CIT: variants seen among roughly 807,000 people sequenced by gnomAD.
The protein encoded by CIT is citron rho-interacting serine/threonine kinase, also known as citron Rho-interacting kinase.
In CIT, 79 loss-of-function variants were observed where a neutral mutation model predicts 272.7. That is an observed-to-expected ratio of 0.29 (90% confidence interval 0.24 to 0.35). The LOEUF (loss-of-function observed/expected upper bound fraction) is 0.35. Among genes scored for constraint, CIT ranks in the 10% least tolerant of loss-of-function variants. The pLI, the probability that CIT is intolerant of heterozygous loss-of-function variation, is 1.00. For missense variants in CIT, 1,909 were observed against 2,618.3 expected (o/e 0.73, Z 5.91); for synonymous variants, 948 against 995.6 (o/e 0.95, Z 0.90).
At chr12:119,708,026 C>G (rs1410691870) in intron 40 of CIT, among the ~76,000 whole-genome samples, 153 bp downstream of exon 40, 1 of 149,872 alleles carries the variant, frequency 6.7e-6, no homozygotes, top group Non-Finnish European at 1.5e-5. Context: ...AAGCCCTGTT[C>G]CCAAATCAAT....
intron 22 of CIT, 102 bp from the exon 23 acceptor site, chr12:119,752,349 T>C: frequency 8.7e-7 from 1 of 1,145,486 alleles, no homozygotes; most frequent in East Asian, 2.6e-5. Context: ...AGCTGAAACC[T>C]GGTCTTGGAA....
At chr12:119,702,432 T>A (rs981622963) in intron 41 of CIT, among the ~76,000 whole-genome samples, 3 of 152,144 alleles carry the variant, frequency 2.0e-5, no homozygotes, top group Non-Finnish European at 4.4e-5. Context: ...ACATCTGTAA[T>A]CCCAGCACTT....
At chr12:119,744,326 G>A (rs1360687113) in intron 23 of CIT, among the ~76,000 whole-genome samples, 1 of 151,904 alleles carries the variant, frequency 6.6e-6, no homozygotes, top group African/African-American at 2.4e-5. Context: ...GGTCCCATCT[G>A]CTTATGTATG....
Position 119,765,281 on chromosome 12 carries a change from T to C in CIT, c.2304+1806A>G, listed in dbSNP as rs566238827. Among the ~76,000 whole-genome samples, 18 of 150,276 alleles carry C rather than the reference T, an allele frequency of 1.2e-4. 1 individual carries two copies. In the South Asian group the frequency reaches 2.9e-3, roughly 24 times the overall value. ...AGCCAGGTATGGTGTCATGTGCCTA[T>C]AGTCCCAGCTACTTGGGTGGCTGAG... On this transcript the variant is annotated intron_variant, in intron 19 of 47. Coordinates refer to ENST00000392521, the MANE Select transcript of CIT (RefSeq NM_001206999.2).
rs746834233 is a variant in CIT, at chr12:119,701,958, C to T, written c.5305G>A (p.Glu1769Lys). Residue 1769 changes from glutamate to lysine, a missense_variant and splice_region_variant, in exon 42 of 48, where the codon GAG (glutamate) becomes AAG (lysine). Transcript: ENST00000392521. ...ENLSKYCIRKEIETSEPCSCI... is the reference protein window; with the variant it reads ...ENLSKYCIRKKIETSEPCSCI... ...CTGCAGGGCTCTGAGGTCTCTATCT[C>T]CTGAGACATGAGAGCAGAAGAGAAG... The T allele has an allele frequency of 6.2e-7, 1 of 1,606,508 alleles. No homozygotes were observed. Among genetic ancestry groups the T allele is most frequent in the Admixed American group, 1.7e-5 (1 of 60,006 alleles).
chr12:119,741,475 C>T (rs1336881855), intron 24 of CIT, among the ~76,000 whole-genome samples: 1 of 152,136 alleles, frequency 6.6e-6, no homozygotes, highest in Non-Finnish European at 1.5e-5. Context: ...AAAATTACTA[C>T]ATTATTATGT....
chr12:119,855,625 CT>C (rs1383289526), intron 4 of CIT, among the ~76,000 whole-genome samples: 1 of 151,994 alleles, frequency 6.6e-6, no homozygotes. Flanking sequence ...TTCCAAATGG[CT>C]CAGTTAAGGA....
intron 23 of CIT, among the ~76,000 whole-genome samples, chr12:119,748,245 T>C (rs990654284): frequency 2.6e-5 from 4 of 151,646 alleles, no homozygotes; most frequent in Admixed American, 6.6e-5. Context: ...AACCTAGGAG[T>C]TGGGTGGCAA....
intron 23 of CIT, among the ~76,000 whole-genome samples, chr12:119,744,740 T>C (rs1182530581): frequency 7.0e-6 from 1 of 142,312 alleles, no homozygotes. Context: ...AAAAAGTCTA[T>C]AAGATAACTG....
At chr12:119,737,158 T>C (rs570817354) in intron 24 of CIT, among the ~76,000 whole-genome samples, 331 of 151,862 alleles carry the variant, frequency 2.2e-3, no homozygotes, top group Non-Finnish European at 3.8e-3. Flanking sequence ...ATACAAAAAA[T>C]TAACCAGGCG....
chr12:119,855,247 C>T (rs1970508344), intron 4 of CIT, among the ~76,000 whole-genome samples: 1 of 151,942 alleles, frequency 6.6e-6, no homozygotes, highest in African/African-American at 2.4e-5. Context: ...GAGGTAAAAC[C>T]CCGTCTCTAC....
intron 2 of CIT, 63 bp from the exon 3 acceptor site, chr12:119,869,264 C>G: frequency 6.7e-7 from 1 of 1,497,464 alleles, no homozygotes; most frequent in African/African-American, 1.4e-5. Flanking sequence ...TCAATAACAT[C>G]CACACAGAGT....
chr12:119,706,797 A>G (rs1034708801), intron 40 of CIT, among the ~76,000 whole-genome samples: 8 of 152,248 alleles, frequency 5.3e-5, no homozygotes, highest in African/African-American at 1.7e-4. Context: ...CTTTGGGTAT[A>G]TACCCAGTAA....
chr12:119,750,178 C>A (rs889608262), intron 23 of CIT, among the ~76,000 whole-genome samples: 1 of 152,084 alleles, frequency 6.6e-6, no homozygotes, highest in Admixed American at 6.6e-5. Context: ...ATATACATTG[C>A]GTTAAATATA....
At chr12:119,762,355 G>C (rs1477976563) in intron 19 of CIT, among the ~76,000 whole-genome samples, 1 of 152,208 alleles carries the variant, frequency 6.6e-6, no homozygotes, top group Non-Finnish European at 1.5e-5. Context: ...TTGGATGTCT[G>C]AGCATGATTC....
chr12:119,848,606 C>A (rs906130541), intron 5 of CIT, among the ~76,000 whole-genome samples: 1 of 152,130 alleles, frequency 6.6e-6, no homozygotes, highest in Non-Finnish European at 1.5e-5. Context: ...AGTAGACCTG[C>A]GTTACTGACA....
At chr12:119,853,063 G>A (rs903232064) in intron 4 of CIT, among the ~76,000 whole-genome samples, 1 of 151,822 alleles carries the variant, frequency 6.6e-6, no homozygotes, top group Non-Finnish European at 1.5e-5. Flanking sequence ...CTATAAATTT[G>A]TGATTGTAAT....
chr12:119,841,382 C>T (rs1969401733), intron 5 of CIT, among the ~76,000 whole-genome samples: 1 of 152,024 alleles, frequency 6.6e-6, no homozygotes, highest in Admixed American at 6.6e-5. Context: ...ACCATGTTGG[C>T]CAGGCTGGTC....
At chr12:119,828,935 G>A (rs1968382401) in intron 7 of CIT, among the ~76,000 whole-genome samples, 1 of 151,846 alleles carries the variant, frequency 6.6e-6, no homozygotes, top group African/African-American at 2.4e-5. Flanking sequence ...ATATGAGAAT[G>A]ACTAGGGGAC....
Sources: gnomAD v4.1 joint callset for allele counts (sites outside exome capture counted in the v4.1 genomes callset) on GRCh38, gnomAD v4.1.1 for gene constraint, MANE v1.5 for transcripts, NCBI Gene and HGNC (gene_info 2026-07-23, HGNC 2026-07-21) for gene names.